The following INPP4B variants were observed in gnomAD, a reference collection of about 807,000 sequenced individuals.
INPP4B encodes inositol polyphosphate 4-phosphatase type II.
Under a neutral mutation model 122.5 loss-of-function variants are expected in INPP4B, and 55 were observed. The ratio of observed to expected loss-of-function variants is 0.45; its 90% confidence interval spans 0.36 to 0.56. The LOEUF (loss-of-function observed/expected upper bound fraction) is 0.56, where lower values mean the gene tolerates loss of function less well. INPP4B is among the 20% of genes least tolerant of loss of function. The pLI is 0.00. For synonymous variants in INPP4B, 403 were observed against 388.7 expected, an observed-to-expected ratio of 1.04 and a Z score of -0.43; for missense variants, 1,000 against 1,097.7, an observed-to-expected ratio of 0.91 and a Z score of 1.26.
At chr4:142,361,294 G>T (rs796620067) in intron 7 of INPP4B, among the ~76,000 whole-genome samples, 4 of 152,072 alleles carry the variant, frequency 2.6e-5, no homozygotes, top group African/African-American at 9.6e-5. Flanking sequence ...AACCCTTTAT[G>T]AAGTGGCCCT....
intron 7 of INPP4B, among the ~76,000 whole-genome samples, chr4:142,320,243 A>T (rs973317157): frequency 2.6e-5 from 4 of 152,164 alleles, no homozygotes; most frequent in Admixed American, 6.5e-5. Flanking sequence ...CTTTTAAAGG[A>T]TTACCTGATT....
chr4:142,630,100 C>A lies in INPP4B; in HGVS notation c.-191+95739G>T, dbSNP rs1014210516. Among the ~76,000 whole-genome samples, 3 of 152,134 alleles carry A rather than the reference C, an allele frequency of 2.0e-5. No individual in the cohort carries two copies. The East Asian group carries it at 5.8e-4, about 30-fold the overall frequency. ...CTGATGGCAATATGTAAGCCCAACGCGATCAGTAGTTCTGTTCCCGCCATG... is the reference window on the plus strand; with the variant it reads ...CTGATGGCAATATGTAAGCCCAACGAGATCAGTAGTTCTGTTCCCGCCATG... On this transcript the variant is annotated intron_variant, in intron 2 of 25. Transcript: ENST00000262992.
intron 1 of INPP4B, among the ~76,000 whole-genome samples, chr4:142,798,108 C>G (rs957885391): frequency 6.6e-6 from 1 of 151,716 alleles, no homozygotes; most frequent in Non-Finnish European, 1.5e-5. Flanking sequence ...AAAAATAAGT[C>G]AAATGAAATT....
chr4:142,349,016 AAG>A (rs1781166607), intron 7 of INPP4B, among the ~76,000 whole-genome samples: 1 of 152,036 alleles, frequency 6.6e-6, no homozygotes, highest in African/African-American at 2.4e-5. Context: ...CTCCTTTGGA[AAG>A]AGAGATTTCT....
intron 1 of INPP4B, among the ~76,000 whole-genome samples, chr4:142,744,976 G>C (rs1768491505): frequency 6.6e-6 from 1 of 150,954 alleles, no homozygotes; most frequent in South Asian, 2.1e-4. Flanking sequence ...ATGGATAAGG[G>C]ACAAGCTAAC....
At chr4:142,733,060 A>G (rs544711171) in intron 1 of INPP4B, among the ~76,000 whole-genome samples, 1 of 152,282 alleles carries the variant, frequency 6.6e-6, no homozygotes, top group East Asian at 1.9e-4. Flanking sequence ...TTGACAATGT[A>G]GAACAGTAGA....
intron 2 of INPP4B, among the ~76,000 whole-genome samples, chr4:142,664,894 T>C (rs1448423745): frequency 6.6e-6 from 1 of 152,188 alleles, no homozygotes; most frequent in Admixed American, 6.5e-5. Flanking sequence ...GCCAACATCA[T>C]AGAGTGTATT....
At chr4:142,763,972 G>A (rs1771716597) in intron 1 of INPP4B, among the ~76,000 whole-genome samples, 1 of 152,014 alleles carries the variant, frequency 6.6e-6, no homozygotes, top group Non-Finnish European at 1.5e-5. Context: ...AGCTCAATCT[G>A]CTCTTTAAAA....
intron 9 of INPP4B, among the ~76,000 whole-genome samples, chr4:142,276,100 A>G (rs1748270131): frequency 6.6e-6 from 1 of 151,594 alleles, no homozygotes; most frequent in South Asian, 2.1e-4. Context: ...AGTCCTACCA[A>G]TTCTTCCTCC....
intron 2 of INPP4B, among the ~76,000 whole-genome samples, chr4:142,632,538 G>A (rs1035484543): frequency 1.3e-5 from 2 of 151,750 alleles, no homozygotes; most frequent in African/African-American, 4.8e-5. Context: ...GATCAGTATG[G>A]TAACTATAGT....
intron 1 of INPP4B, among the ~76,000 whole-genome samples, chr4:142,796,366 G>A (rs1777232583): frequency 6.6e-6 from 1 of 151,868 alleles, no homozygotes; most frequent in African/African-American, 2.4e-5. Flanking sequence ...TCGAGGGTTC[G>A]GCAGTCAAAT....
At chr4:142,629,442 A>T (rs1014793938) in intron 2 of INPP4B, among the ~76,000 whole-genome samples, 4 of 152,090 alleles carry the variant, frequency 2.6e-5, no homozygotes, top group African/African-American at 9.7e-5. Flanking sequence ...ATTCTGATTT[A>T]GGAAGGAGAG....
At chr4:142,142,069 C>T (rs923144625) in intron 18 of INPP4B, among the ~76,000 whole-genome samples, 2 of 151,912 alleles carry the variant, frequency 1.3e-5, no homozygotes, top group African/African-American at 2.4e-5. Context: ...AATGATGCTG[C>T]AACAAATGCT....
chr4:142,116,239 G>C (rs899864685), intron 21 of INPP4B, among the ~76,000 whole-genome samples: 1 of 151,944 alleles, frequency 6.6e-6, no homozygotes, highest in Non-Finnish European at 1.5e-5. Flanking sequence ...CACTCTCAAC[G>C]TTAGACAGAT....
chr4:142,298,683 CAAA>C (rs386401712), intron 9 of INPP4B, among the ~76,000 whole-genome samples: 1,350 of 66,412 alleles, frequency 0.02, 14 homozygotes, highest in African/African-American at 0.079. Context: ...GACTCTGTCT[CAAA>C]AAAAAAAAAA....
At chr4:142,469,113 C>T (rs1205346507) in intron 2 of INPP4B, among the ~76,000 whole-genome samples, 1 of 151,380 alleles carries the variant, frequency 6.6e-6, no homozygotes, top group Non-Finnish European at 1.5e-5. Flanking sequence ...TCAACATAGC[C>T]TTCAGGTCAA....
At chr4:142,579,404 T>G (rs1190210346) in intron 2 of INPP4B, among the ~76,000 whole-genome samples, 1 of 151,992 alleles carries the variant, frequency 6.6e-6, no homozygotes, top group Non-Finnish European at 1.5e-5. Context: ...CAAACTATGA[T>G]AGTTAATTTT....
intron 1 of INPP4B, among the ~76,000 whole-genome samples, chr4:142,819,465 T>C (rs963558745): frequency 6.6e-6 from 1 of 152,088 alleles, no homozygotes; most frequent in Non-Finnish European, 1.5e-5. Context: ...AAATGGCAAC[T>C]AGAAAATTCA....
At chr4:142,067,091 C>A (rs1468604008) in intron 25 of INPP4B, among the ~76,000 whole-genome samples, 2 of 152,174 alleles carry the variant, frequency 1.3e-5, no homozygotes, top group African/African-American at 4.8e-5. Flanking sequence ...CCCACTGACA[C>A]CTCATACAGC....
Sources: allele counts gnomAD v4.1 joint callset (sites outside exome capture counted in the v4.1 genomes callset), GRCh38; gene constraint gnomAD v4.1.1; transcripts MANE v1.5; gene names NCBI Gene and HGNC (gene_info 2026-07-23, HGNC 2026-07-21).